The following RANBP2 variants were observed in gnomAD, a reference collection of about 807,000 sequenced individuals.
RANBP2 encodes the protein RAN binding protein 2.
A neutral mutation model predicts 303.6 loss-of-function variants in RANBP2; 57 were observed. The observed-to-expected ratio is 0.19, with a 90% confidence interval of 0.15 to 0.23. The LOEUF is 0.23. Among genes scored for constraint, RANBP2 ranks in the 10% least tolerant of loss-of-function variants. The pLI is 1.00. For missense variants in RANBP2, 3,138 were observed against 3,780.8 expected (o/e 0.83, Z 4.46); for synonymous variants, 1,167 against 1,301.5 (o/e 0.90, Z 2.23).
the RANBP2 span, among the ~76,000 whole-genome samples, chr2:109,399,993 G>A: frequency 6.6e-6 from 1 of 152,298 alleles, no homozygotes; most frequent in East Asian, 1.9e-4. Flanking sequence ...GAGTCCCTCT[G>A]GCTGCCCTGG....
the RANBP2 span, chr2:109,501,761 G>A: frequency 3.0e-6 from 2 of 658,664 alleles, no homozygotes; most frequent in East Asian, 5.4e-5. Flanking sequence ...GCGCCCCAAG[G>A]GTTCCAGGTC....
chr2:109,205,806 AG>A, the RANBP2 span, among the ~76,000 whole-genome samples: 1 of 152,332 alleles, frequency 6.6e-6, no homozygotes. Context: ...GATCAGAGAC[AG>A]GGAAGCACAC....
the RANBP2 span, among the ~76,000 whole-genome samples, chr2:109,610,351 G>A: frequency 1.4e-3 from 210 of 152,238 alleles, 1 homozygote; most frequent in Non-Finnish European, 2.6e-3. Flanking sequence ...GCCTCCCAAA[G>A]TGCTGGGATT....
At chr2:108,923,340 G>T in the RANBP2 span, 1 of 1,605,322 alleles carries the variant, frequency 6.2e-7, no homozygotes, top group Non-Finnish European at 8.5e-7. Flanking sequence ...AACAAATACC[G>T]TGCTGGTGGA....
At chr2:109,573,790 A>C in the RANBP2 span, among the ~76,000 whole-genome samples, 1 of 152,200 alleles carries the variant, frequency 6.6e-6, no homozygotes, top group Non-Finnish European at 1.5e-5. Context: ...GAAGTGAGTT[A>C]GTTTATGAAT....
At chr2:109,288,251 C>T in the RANBP2 span, among the ~76,000 whole-genome samples, 2 of 152,240 alleles carry the variant, frequency 1.3e-5, no homozygotes, top group Non-Finnish European at 2.9e-5. Context: ...AAGTTAAAAA[C>T]CGAGAAGACT....
chr2:109,105,189 A>T, the RANBP2 span, among the ~76,000 whole-genome samples: 1 of 152,232 alleles, frequency 6.6e-6, no homozygotes, highest in Admixed American at 6.5e-5. Flanking sequence ...ATAAGATTTC[A>T]AGAGTTGGGC....
At chr2:109,146,885 T>TCCCC in the RANBP2 span, among the ~76,000 whole-genome samples, 7 of 14,406 alleles carry the variant, frequency 4.9e-4, no homozygotes, top group Non-Finnish European at 6.2e-4. Flanking sequence ...CTTTTTTCCC[T>TCCCC]CCCCCCCCCC....
At chr2:109,614,509 G>GGGGCCCCGAGGCGGCGCT in the RANBP2 span, 6 of 1,258,534 alleles carry the variant, frequency 4.8e-6, no homozygotes, top group South Asian at 6.3e-5. Flanking sequence ...CCGGCAGAGT[G>GGGGCCCCGAGGCGGCGCT]GGGCCCCGAG....
At chr2:108,746,023 C>T (rs1287481695) in intron 7 of RANBP2, among the ~76,000 whole-genome samples, 1 of 151,754 alleles carries the variant, frequency 6.6e-6, no homozygotes, top group South Asian at 2.1e-4. Context: ...CCTCCTGCCT[C>T]AGCCTCCTGA....
chr2:108,891,686 G>A, the RANBP2 span, among the ~76,000 whole-genome samples: 4 of 152,204 alleles, frequency 2.6e-5, no homozygotes, highest in African/African-American at 9.6e-5. Context: ...GGCAGCAATG[G>A]ATTGGGTGTG....
chr2:109,273,954 G>C, the RANBP2 span, among the ~76,000 whole-genome samples: 2 of 152,180 alleles, frequency 1.3e-5, no homozygotes, highest in African/African-American at 4.8e-5. Context: ...GTGACTTTCT[G>C]TATGGAAAAT....
chr2:108,905,914 G>T, the RANBP2 span, among the ~76,000 whole-genome samples: 1 of 146,034 alleles, frequency 6.8e-6, no homozygotes, highest in African/African-American at 2.8e-5. Context: ...CGAGGGCAGG[G>T]AGAGGGCAGC....
At chr2:109,610,095 GT>G in the RANBP2 span, among the ~76,000 whole-genome samples, 130 of 143,222 alleles carry the variant, frequency 9.1e-4, no homozygotes, top group Non-Finnish European at 9.2e-4. Flanking sequence ...TCCCTGAGGT[GT>G]TTTTTTTTTT....
chr2:109,324,623 A>G, the RANBP2 span, among the ~76,000 whole-genome samples: 1 of 152,244 alleles, frequency 6.6e-6, no homozygotes, highest in Admixed American at 6.5e-5. Flanking sequence ...AGCCCTTTGA[A>G]GACAGTATTT....
chr2:108,806,678 A>G, the RANBP2 span, among the ~76,000 whole-genome samples: 3 of 152,192 alleles, frequency 2.0e-5, 1 homozygote, highest in Non-Finnish European at 4.4e-5. Context: ...AAAACAAGCA[A>G]TGGGCATATT....
At chr2:109,531,914 C>T in the RANBP2 span, among the ~76,000 whole-genome samples, 20 of 152,244 alleles carry the variant, frequency 1.3e-4, no homozygotes, top group African/African-American at 4.6e-4. Flanking sequence ...ACTGTAAAAC[C>T]TCATGTATAG....
At chr2:109,361,667 G>T in the RANBP2 span, among the ~76,000 whole-genome samples, 1 of 151,986 alleles carries the variant, frequency 6.6e-6, no homozygotes, top group African/African-American at 2.4e-5. Flanking sequence ...GTAGAGATGG[G>T]GTTTCACCAT....
the RANBP2 span, among the ~76,000 whole-genome samples, chr2:109,280,769 G>T: frequency 3.3e-5 from 5 of 152,218 alleles, no homozygotes; most frequent in Admixed American, 1.3e-4. Flanking sequence ...AGCCTCGAGG[G>T]CGCTGCAGGG....
Sources: allele counts gnomAD v4.1 joint callset (sites outside exome capture counted in the v4.1 genomes callset), GRCh38; gene constraint gnomAD v4.1.1; transcripts MANE v1.5; gene names NCBI Gene and HGNC (gene_info 2026-07-23, HGNC 2026-07-21).